Variants in DDX4 observed in about 807,000 individuals in gnomAD.
The protein encoded by DDX4 is DEAD-box helicase 4.
A neutral mutation model predicts 100.0 loss-of-function variants in DDX4; 25 were observed. The ratio of observed to expected loss-of-function variants is 0.25; its 90% confidence interval spans 0.18 to 0.35. The LOEUF (loss-of-function observed/expected upper bound fraction) is 0.35, where lower values mean the gene tolerates loss of function less well. Among genes scored for constraint, DDX4 ranks in the 10% least tolerant of loss-of-function variants. The probability of loss-of-function intolerance (pLI) is 1.00; values close to 1 mark genes in which losing one functional copy is unlikely to be tolerated. For missense variants in DDX4, 635 were observed against 882.4 expected, an observed-to-expected ratio of 0.72 and a Z score of 3.55; for synonymous variants, 259 against 275.7, an observed-to-expected ratio of 0.94 and a Z score of 0.60.
intron 6 of DDX4, chr5:55,766,920 A>G: frequency 6.6e-7 from 1 of 1,514,048 alleles, no homozygotes; most frequent in Non-Finnish European, 8.9e-7. Flanking sequence ...CAGAATAAAC[A>G]TTTCTGGGAA....
At chr5:55,781,606 ATCT>A (rs1741917914) in intron 9 of DDX4, among the ~76,000 whole-genome samples, 1 of 151,914 alleles carries the variant, frequency 6.6e-6, no homozygotes, top group South Asian at 2.1e-4. Flanking sequence ...GCAAAACCCT[ATCT>A]CTACTAAAAA....
intron 7 of DDX4, among the ~76,000 whole-genome samples, chr5:55,779,263 A>T (rs1238257793): frequency 6.6e-6 from 1 of 152,200 alleles, no homozygotes; most frequent in African/African-American, 2.4e-5. Flanking sequence ...GTTTTGTTTC[A>T]TTTTTAAATA....
At chr5:55,802,618 AC>A (rs1241270907) in intron 18 of DDX4, among the ~76,000 whole-genome samples, 4 of 152,232 alleles carry the variant, frequency 2.6e-5, no homozygotes, top group Admixed American at 6.5e-5. Flanking sequence ...AGAACCTTCT[AC>A]CCAAGACTCT....
chr5:55,765,046 A>G (rs905578157), intron 6 of DDX4, among the ~76,000 whole-genome samples: 9 of 152,110 alleles, frequency 5.9e-5, no homozygotes, highest in African/African-American at 1.7e-4. Flanking sequence ...TCTCCAAACT[A>G]TTGCCAGTCT....
chr5:55,776,076 C>T (rs565293867), intron 7 of DDX4, among the ~76,000 whole-genome samples: 20 of 152,004 alleles, frequency 1.3e-4, no homozygotes, highest in Non-Finnish European at 2.2e-4. Flanking sequence ...GCTGAGATGG[C>T]GCCACTGCAC....
At chr5:55,757,250 A>T (rs749309321) in intron 3 of DDX4, among the ~76,000 whole-genome samples, 11 of 152,288 alleles carry the variant, frequency 7.2e-5, no homozygotes, top group Middle Eastern at 6.8e-3. Context: ...GTAGTCTTTT[A>T]TCCCTCACCC....
intron 3 of DDX4, among the ~76,000 whole-genome samples, chr5:55,755,402 G>A (rs1759860924): frequency 6.6e-6 from 1 of 152,086 alleles, no homozygotes; most frequent in Admixed American, 6.5e-5. Flanking sequence ...TGGCTTTTTA[G>A]AATTACTGAT....
intron 18 of DDX4, among the ~76,000 whole-genome samples, chr5:55,808,730 G>T (rs1377601323): frequency 6.6e-6 from 1 of 152,212 alleles, no homozygotes; most frequent in South Asian, 2.1e-4. Flanking sequence ...TGCCCCTACT[G>T]GGGGTGCCTC....
At chr5:55,811,373 A>C (rs1342260691) in intron 18 of DDX4, among the ~76,000 whole-genome samples, 1 of 152,134 alleles carries the variant, frequency 6.6e-6, no homozygotes, top group East Asian at 1.9e-4. Flanking sequence ...AAGATCCCCT[A>C]ATTGGGTCTG....
At position 55,778,151 on chromosome 5, in the gene DDX4, G is replaced by T. The variant is rs200509663; in HGVS notation, c.395-1813G>T. Reference sequence around the variant, plus strand: ...GTCATGTTCTCTTATTAAAATAAAAGAAATCAATAAGTCTAACCTTCATGA... The same window carrying T: ...GTCATGTTCTCTTATTAAAATAAAATAAATCAATAAGTCTAACCTTCATGA... On this transcript the variant is annotated intron_variant, in intron 7 of 21. Transcript: ENST00000505374. Among the ~76,000 whole-genome samples, 16 of 152,078 alleles carry T rather than the reference G, an allele frequency of 1.1e-4. No individual in the cohort carries two copies. The East Asian group carries it at 2.7e-3, about 26-fold the overall frequency.
At chr5:55,773,886 A>G (rs1741401472) in intron 7 of DDX4, among the ~76,000 whole-genome samples, 1 of 152,014 alleles carries the variant, frequency 6.6e-6, no homozygotes, top group African/African-American at 2.4e-5. Flanking sequence ...AGCCTCCCAA[A>G]GTGCTGGGAT....
At chr5:55,779,853 C>A in intron 7 of DDX4, 111 bp from the exon 8 acceptor site, 1 of 1,422,556 alleles carries the variant, frequency 7.0e-7, no homozygotes, top group Non-Finnish European at 9.3e-7. Context: ...TGCCTTTAAA[C>A]ACTTGTTTAA....
In DDX4 at chr5:55,776,550, T is replaced by C. The variant is rs116639995; in HGVS notation, c.395-3414T>C. On this transcript the variant is annotated intron_variant, in intron 7 of 21. Transcript: ENST00000505374. Reference sequence around the variant, plus strand: ...CTAGAGAAAAAAGGTAGATTCACCTTTAGAAGAACATTATATTCACAACAG... The same window carrying C: ...CTAGAGAAAAAAGGTAGATTCACCTCTAGAAGAACATTATATTCACAACAG... 3.9e-3 allele frequency among the ~76,000 whole-genome samples: 591 copies of C among 152,324 alleles called. 4 individuals are homozygous for C. The highest frequency in any genetic ancestry group is 0.014 in the African/African-American group (573 of 41,570).
At chr5:55,784,001 T>G (rs115544659) in intron 10 of DDX4, among the ~76,000 whole-genome samples, 4,100 of 152,168 alleles carry the variant, frequency 0.027, 77 homozygotes, top group South Asian at 0.051. Context: ...TCCCCCACCT[T>G]CCAACAGGCC....
intron 6 of DDX4, among the ~76,000 whole-genome samples, chr5:55,765,413 A>AT (rs1554076987): frequency 0.017 from 1,390 of 82,770 alleles, 24 homozygotes; most frequent in African/African-American, 0.031. Context: ...AAAAAAAAAA[A>AT]ATATATATAT....
chr5:55,757,836 G>T (rs1014358087), intron 3 of DDX4, among the ~76,000 whole-genome samples: 8 of 152,138 alleles, frequency 5.3e-5, no homozygotes, highest in Non-Finnish European at 1.0e-4. Context: ...TTAAGGCCAG[G>T]AGTTCGAGAC....
intron 2 of DDX4, among the ~76,000 whole-genome samples, chr5:55,745,881 C>T (rs959628808): frequency 6.6e-6 from 1 of 152,166 alleles, no homozygotes; most frequent in East Asian, 1.9e-4. Flanking sequence ...GTACTTCAAT[C>T]AAACTCTTTA....
intron 18 of DDX4, among the ~76,000 whole-genome samples, chr5:55,809,931 A>C (rs1744016716): frequency 6.6e-6 from 1 of 152,214 alleles, no homozygotes; most frequent in Non-Finnish European, 1.5e-5. Flanking sequence ...AACTCTATAG[A>C]ATTACTTTAT....
chr5:55,754,152 A>G (rs1010207877), intron 3 of DDX4, among the ~76,000 whole-genome samples: 7 of 148,840 alleles, frequency 4.7e-5, no homozygotes, highest in South Asian at 2.1e-4. Flanking sequence ...TTCCTAATTG[A>G]ATACCCTTTA....
Sources: allele counts gnomAD v4.1 joint callset (sites outside exome capture counted in the v4.1 genomes callset), GRCh38; gene constraint gnomAD v4.1.1; transcripts MANE v1.5; gene names NCBI Gene and HGNC (gene_info 2026-07-23, HGNC 2026-07-21).